The following GBP3 variants were observed in gnomAD, a reference collection of about 807,000 sequenced individuals.
GBP3 encodes the protein guanylate-binding protein 3.
A neutral mutation model predicts 62.4 loss-of-function variants in GBP3; 55 were observed. The observed-to-expected ratio is 0.88, with a 90% confidence interval of 0.71 to 1.10. The LOEUF is 1.10. Among genes scored for constraint, GBP3 ranks in the 50% least tolerant of loss-of-function variants. The pLI, the probability that GBP3 is intolerant of heterozygous loss-of-function variation, is 0.00. For synonymous variants in GBP3, 208 were observed against 259.2 expected (o/e 0.80, Z 1.90); for missense variants, 605 against 690.6 (o/e 0.88, Z 1.39).
chr1:89,016,552 T>C (rs1202553291), intron 2 of GBP3, among the ~76,000 whole-genome samples: 1 of 151,980 alleles, frequency 6.6e-6, no homozygotes, highest in Non-Finnish European at 1.5e-5. Flanking sequence ...AACGTAACCA[T>C]AGAGGGGAAT....
chr1:89,020,767 A>G (rs768091431), intron 1 of GBP3, 24 bp from the exon 2 acceptor site: 1 of 1,585,088 alleles, frequency 6.3e-7, no homozygotes, highest in South Asian at 1.1e-5. Context: ...GTTGGAATGA[A>G]TTAGAATTTC....
At chr1:89,012,057 C>G in intron 6 of GBP3, 30 bp from the exon 7 acceptor site, 1 of 1,436,434 alleles carries the variant, frequency 7.0e-7, no homozygotes, top group African/African-American at 1.4e-5. Flanking sequence ...GATAATGTTT[C>G]TTGTACTAAA....
At chr1:89,013,992 G>A in intron 5 of GBP3, 91 bp downstream of exon 5, 2 of 1,351,176 alleles carry the variant, frequency 1.5e-6, no homozygotes, top group Non-Finnish European at 2.1e-6. Context: ...ATAGAAAACT[G>A]TAAATGTGAG....
At chr1:89,022,000 TCTC>T (rs1679264257) in intron 1 of GBP3, among the ~76,000 whole-genome samples, 1 of 150,188 alleles carries the variant, frequency 6.7e-6, no homozygotes, top group African/African-American at 2.5e-5. Context: ...TACAGGAAAT[TCTC>T]CTGTAAATTC....
At position 89,012,205 on chromosome 1, in the gene GBP3, AG is replaced by A. The variant is rs1278077426; in HGVS notation, c.869-179del. On this transcript the variant is annotated intron_variant, in intron 6 of 10. Coordinates refer to ENST00000370481, the MANE Select transcript of GBP3 (RefSeq NM_018284.3). Reference sequence around the variant, plus strand: ...CTCTGTCCCAGATCTACTGAATTAGAGTTTTTTCTTTGGGTAAGATCCCTAG... The same window carrying A: ...CTCTGTCCCAGATCTACTGAATTAGATTTTTTCTTTGGGTAAGATCCCTAG... 1.7e-4 allele frequency among the ~76,000 whole-genome samples: 23 copies of A among 138,920 alleles called. 3 individuals are homozygous for A. The highest frequency in any genetic ancestry group is 5.7e-4 in the African/African-American group (23 of 40,526). 91.1% of individuals were successfully genotyped at this position (138,920 alleles called of 152,430 possible). A position where few individuals can be genotyped will look rare whatever the true frequency, so the allele number is the denominator to read the frequency against.
chr1:89,015,456 A>G (rs1439960314), intron 2 of GBP3, 42 bp from the exon 3 acceptor site: 1 of 1,583,318 alleles, frequency 6.3e-7, no homozygotes, highest in Non-Finnish European at 8.6e-7. Context: ...GAGGTTTAAT[A>G]GCAGGTACTT....
At chr1:89,008,635 A>G (rs1678371326) in intron 10 of GBP3, among the ~76,000 whole-genome samples, 1 of 151,784 alleles carries the variant, frequency 6.6e-6, no homozygotes. Context: ...AGTAATAGGG[A>G]TAAAGTTCTC....
Position 89,013,324 on chromosome 1 carries a change from C to T in GBP3, c.729G>A (p.Arg243=). 4.3e-6 allele frequency: 7 copies of T among 1,614,182 alleles called. No individual in the cohort carries two copies. The highest frequency in any genetic ancestry group is 5.9e-6 in the Non-Finnish European group (7 of 1,180,036). The change falls in exon 6 of 11, where the codon AGG becomes AGA. Residue 243 remains arginine (R), a synonymous_variant. Transcript: ENST00000370481. ...GTAGTTTCTCAAGCTGGGCAAGCTT[C>T]CTGCGGTGAATGGGCAGATCGAAGA... ...CFVFDLPIHR[R]KLAQLEKLQD...
chr1:89,008,330 AG>A (rs1678350559), intron 10 of GBP3, among the ~76,000 whole-genome samples: 1 of 151,296 alleles, frequency 6.6e-6, no homozygotes, highest in Admixed American at 6.6e-5. Context: ...AAGATAGGCA[AG>A]GAAATCCGAG....
chr1:89,020,053 A>G lies in GBP3; in HGVS notation c.190+479T>C, dbSNP rs999683927. 1.4e-5 allele frequency: 3 copies of G among 215,086 alleles called. No individual in the cohort carries two copies. The Admixed American group carries it at 1.5e-4, about 11-fold the overall frequency. The allele number at this position is 215,086 out of a possible 1,614,324, so 13.3% of individuals were successfully genotyped here. A position where few individuals can be genotyped will look rare whatever the true frequency, so the allele number is the denominator to read the frequency against. ...CCAGGAGCTTGAGACCTGCATGGGC[A>G]ACATGATGAAACCCTGTGTCTACCA... On this transcript the variant is annotated intron_variant, in intron 2 of 10. Transcript: ENST00000370481.
intron 8 of GBP3, 121 bp downstream of exon 8, chr1:89,010,783 T>G (rs961519275): frequency 7.9e-7 from 1 of 1,262,300 alleles, no homozygotes; most frequent in African/African-American, 1.4e-5. Flanking sequence ...TGTTATTGAA[T>G]GAAAGCATGA....
At chr1:89,021,937 G>C (rs1679259963) in intron 1 of GBP3, among the ~76,000 whole-genome samples, 2 of 151,930 alleles carry the variant, frequency 1.3e-5, no homozygotes, top group African/African-American at 4.8e-5. Context: ...AGTCGTCTGA[G>C]TGCGTGGGAG....
At chr1:89,008,424 GTGGTAGAC>G (rs1421751577) in intron 10 of GBP3, among the ~76,000 whole-genome samples, 1 of 149,394 alleles carries the variant, frequency 6.7e-6, no homozygotes, top group Admixed American at 6.7e-5. Context: ...ACAGGCAGGA[GTGGTAGAC>G]TGCCCTACAG....
Position 89,020,598 on chromosome 1 carries a change from C to A in GBP3, c.124G>T (p.Ala42Ser), listed in dbSNP as rs917252190. Residue 42 changes from alanine (A) to serine (S), a missense_variant, in exon 2 of 11, where the codon GCA becomes TCA. By Grantham distance (99) the Ala-to-Ser change is moderately conservative. Transcript: ENST00000370481. ...CCTGTGCGGTAGAGGCCCACAATTG[C>A]CACCACCACCACAGGCTGTGTAATG... ...SAITQPVVVV[A>S]IVGLYRTGKS... The A allele has an allele frequency of 3.7e-6, 6 of 1,613,930 alleles. No individual in the cohort carries two copies. In the African/African-American group the frequency reaches 8.0e-5, roughly 22 times the overall value.
chr1:89,012,988 C>A (rs1440876051), intron 6 of GBP3, among the ~76,000 whole-genome samples, 197 bp downstream of exon 6: 1 of 132,418 alleles, frequency 7.6e-6, no homozygotes, highest in Admixed American at 7.2e-5. Context: ...CAGGTATGTG[C>A]CACCATGCCT....
intron 8 of GBP3, 59 bp from the exon 9 acceptor site, chr1:89,009,553 GTTC>G: frequency 6.3e-7 from 1 of 1,599,938 alleles, no homozygotes; most frequent in East Asian, 2.2e-5. Flanking sequence ...AGGTTTTCCT[GTTC>G]TTCTGCCCAC....
chr1:89,017,732 T>C (rs1678962299), intron 2 of GBP3, among the ~76,000 whole-genome samples: 1 of 152,128 alleles, frequency 6.6e-6, no homozygotes. Flanking sequence ...AAATGCAAAT[T>C]AAAGCCATAG....
intron 1 of GBP3, among the ~76,000 whole-genome samples, chr1:89,021,835 G>GGGAGA (rs1679250333): frequency 3.1e-4 from 34 of 108,110 alleles, no homozygotes; most frequent in Admixed American, 8.9e-4. Flanking sequence ...GAGAGAGAAA[G>GGGAGA]TGCCAGCAAG....
At chr1:89,008,176 T>A (rs1678341193) in intron 10 of GBP3, among the ~76,000 whole-genome samples, 2 of 152,022 alleles carry the variant, frequency 1.3e-5, no homozygotes, top group African/African-American at 2.4e-5. Flanking sequence ...CATTATAGAC[T>A]TTTTAACACA....
Sources: allele counts gnomAD v4.1 joint callset (sites outside exome capture counted in the v4.1 genomes callset), GRCh38; gene constraint gnomAD v4.1.1; transcripts MANE v1.5; gene names NCBI Gene and HGNC (gene_info 2026-07-23, HGNC 2026-07-21).